The following PRKCA variants were observed in gnomAD, a reference collection of about 807,000 sequenced individuals.
PRKCA encodes the protein protein kinase C alpha type.
In PRKCA, 27 loss-of-function variants were observed where a neutral mutation model predicts 87.0. The ratio of observed to expected loss-of-function variants is 0.31; its 90% CI spans 0.23 to 0.43. The LOEUF (loss-of-function observed/expected upper bound fraction) is 0.43. Among genes scored for constraint, PRKCA ranks in the 20% least tolerant of loss-of-function variants. The pLI is 1.00. For synonymous variants in PRKCA, 329 were observed against 311.1 expected, an observed-to-expected ratio of 1.06 and a Z score of -0.61; for missense variants, 518 against 852.3, an observed-to-expected ratio of 0.61 and a Z score of 4.88.
intron 2 of PRKCA, among the ~76,000 whole-genome samples, chr17:66,340,386 T>TC (rs1381674360): frequency 6.6e-6 from 1 of 151,352 alleles, no homozygotes; most frequent in African/African-American, 2.4e-5. Context: ...TTTTCTTTTT[T>TC]TTTTTTGGCT....
At chr17:66,572,278 C>G (rs980384426) in intron 3 of PRKCA, among the ~76,000 whole-genome samples, 1 of 152,070 alleles carries the variant, frequency 6.6e-6, no homozygotes, top group Non-Finnish European at 1.5e-5. Context: ...ACCAGCCTGC[C>G]CAACATGGCA....
intron 5 of PRKCA, among the ~76,000 whole-genome samples, chr17:66,648,459 G>GC (rs1971508456): frequency 6.6e-6 from 1 of 152,192 alleles, no homozygotes; most frequent in African/African-American, 2.4e-5. Flanking sequence ...ACAAGGAAAT[G>GC]AAGTGACTCA....
At chr17:66,495,965 A>G (rs375299014) in intron 2 of PRKCA, among the ~76,000 whole-genome samples, 40 of 152,310 alleles carry the variant, frequency 2.6e-4, no homozygotes, top group African/African-American at 9.1e-4. Context: ...TCAGAGAGTA[A>G]GAGCCACAGT....
chr17:66,322,243 C>A (rs1001221253), intron 2 of PRKCA, among the ~76,000 whole-genome samples: 3 of 152,174 alleles, frequency 2.0e-5, no homozygotes, highest in Admixed American at 6.5e-5. Context: ...GGAAAAGCAT[C>A]TTCCTGTAGA....
intron 2 of PRKCA, among the ~76,000 whole-genome samples, chr17:66,409,882 C>T (rs762910819): frequency 2.6e-5 from 4 of 152,224 alleles, no homozygotes; most frequent in Non-Finnish European, 5.9e-5. Context: ...CACGCCACTG[C>T]ACTCCAGCCT....
rs546803285 is a variant in PRKCA, at chr17:66,765,362, G to A, written c.1525-8625G>A. On this transcript the variant is annotated intron_variant, in intron 13 of 16. Transcript: ENST00000413366. ...TGGGAGGCAGAGGTTGCAGTGAGCC[G>A]AGATCGTGTCATCGTGTCACTGCAT... Among the ~76,000 whole-genome samples the A allele has an allele frequency of 2.7e-3, 402 of 146,688 alleles. 2 individuals are homozygous for A. Among genetic ancestry groups the A allele is most frequent in the Non-Finnish European group, 4.4e-3 (296 of 66,956 alleles).
Position 66,803,094 on chromosome 17 carries a change from G to A in PRKCA, c.1855-779G>A, listed in dbSNP as rs1469192037. Among the ~76,000 whole-genome samples, 2 of 152,134 alleles carry A rather than the reference G, an allele frequency of 1.3e-5. No individual in the cohort carries two copies. The highest frequency in any genetic ancestry group is 2.4e-5 in the African/African-American group (1 of 41,422). ...TGCCTAAGCGGCTGTGTGTCTCAGC[G>A]ACCCCAGTGCAACAGTTCTGCCTGG... On this transcript the variant is annotated intron_variant, in intron 16 of 16. Coordinates refer to ENST00000413366, the MANE Select transcript of PRKCA (RefSeq NM_002737.3). This position sits in a 1 kb window ranked among gnomAD's most constrained non-coding sequence, Gnocchi z 4.4.
chr17:66,508,200 C>A (rs912157581), intron 3 of PRKCA, among the ~76,000 whole-genome samples: 1 of 152,200 alleles, frequency 6.6e-6, no homozygotes, highest in Non-Finnish European at 1.5e-5. Context: ...GAGGCTTGTA[C>A]TAGCAAGAGT....
intron 13 of PRKCA, among the ~76,000 whole-genome samples, chr17:66,746,199 T>C (rs1196767590): frequency 7.0e-6 from 1 of 142,228 alleles, no homozygotes; most frequent in Admixed American, 7.2e-5. Flanking sequence ...AGCCTCACTC[T>C]GTTGCCCAGG....
intron 3 of PRKCA, among the ~76,000 whole-genome samples, chr17:66,539,975 A>G (rs1309742079): frequency 6.6e-6 from 1 of 152,340 alleles, no homozygotes; most frequent in South Asian, 2.1e-4. Context: ...AACCCGAGGG[A>G]TTTGAAAATA....
At chr17:66,513,733 A>G (rs867957285) in intron 3 of PRKCA, among the ~76,000 whole-genome samples, 2 of 152,228 alleles carry the variant, frequency 1.3e-5, no homozygotes, top group Admixed American at 6.5e-5. Flanking sequence ...GCCATTAAGA[A>G]TGATGCTTAT....
intron 14 of PRKCA, chr17:66,777,381 C>T (rs1424845796): frequency 1.0e-6 from 1 of 985,044 alleles, no homozygotes; most frequent in Non-Finnish European, 1.2e-6. Context: ...GGTGTTAAGG[C>T]TTGACTGACA....
At chr17:66,628,429 T>C (rs2143732445) in intron 3 of PRKCA, among the ~76,000 whole-genome samples, 1 of 151,874 alleles carries the variant, frequency 6.6e-6, no homozygotes, top group Admixed American at 6.6e-5. Flanking sequence ...TTATATTTAA[T>C]GACATGGAAA....
Position 66,792,924 on chromosome 17 carries a change from G to A in PRKCA, c.1854+3945G>A, listed in dbSNP as rs1270448362. ...TGGCAGTCAACAGTGGGAGAGTCCT[G>A]TCCTGGACAGAGCCATGTCTGTCCC... On this transcript the variant is annotated intron_variant, in intron 16 of 16. Transcript: ENST00000413366. This position sits in a 1 kb window ranked among gnomAD's most constrained non-coding sequence, Gnocchi z 4.5. Among the ~76,000 whole-genome samples the A allele has an allele frequency of 6.6e-6, 1 of 152,182 alleles. No individual in the cohort carries two copies. The highest frequency in any genetic ancestry group is 1.5e-5 in the Non-Finnish European group (1 of 68,036).
intron 3 of PRKCA, among the ~76,000 whole-genome samples, chr17:66,574,316 T>C (rs1380123093): frequency 6.6e-6 from 1 of 152,112 alleles, no homozygotes; most frequent in Non-Finnish European, 1.5e-5. Context: ...GGACTTCAAT[T>C]CAAATGGCTG....
At chr17:66,464,550 T>A (rs1016077204) in intron 2 of PRKCA, among the ~76,000 whole-genome samples, 2 of 152,214 alleles carry the variant, frequency 1.3e-5, no homozygotes, top group Non-Finnish European at 2.9e-5. Flanking sequence ...GTCAGTGTTT[T>A]GGATTTTGGC....
At chr17:66,536,935 A>G (rs1967811082) in intron 3 of PRKCA, among the ~76,000 whole-genome samples, 1 of 152,120 alleles carries the variant, frequency 6.6e-6, no homozygotes, top group South Asian at 2.1e-4. Context: ...TACAGAGCTG[A>G]CCTGTAAAAT....
At chr17:66,585,082 T>G (rs1969552716) in intron 3 of PRKCA, among the ~76,000 whole-genome samples, 1 of 151,052 alleles carries the variant, frequency 6.6e-6, no homozygotes, top group Middle Eastern at 3.2e-3. Flanking sequence ...GGGTGGTGGT[T>G]AATAGATGAG....
At chr17:66,736,469 G>T (rs987990206) in intron 10 of PRKCA, among the ~76,000 whole-genome samples, 93 of 151,930 alleles carry the variant, frequency 6.1e-4, no homozygotes, top group Admixed American at 1.8e-3. Context: ...GTAGAGATGG[G>T]GTTTCACCAT....
Sources: gnomAD v4.1 joint callset for allele counts (sites outside exome capture counted in the v4.1 genomes callset) on GRCh38, gnomAD v4.1.1 for gene constraint, Gnocchi (gnomAD v3.1) non-coding constraint, MANE v1.5 for transcripts, NCBI Gene and HGNC (gene_info 2026-07-23, HGNC 2026-07-21) for gene names.